Variants in TAB1 observed in about 807,000 individuals in gnomAD.
The protein encoded by TAB1 is TGF-beta activated kinase 1 (MAP3K7) binding protein 1, also known as TGF-beta-activated kinase 1 and MAP3K7-binding protein 1.
TAB1 carries 30 observed loss-of-function variants against 54.5 expected under a neutral mutation model. The observed-to-expected ratio is 0.55, with a 90% confidence interval of 0.41 to 0.75. The LOEUF (loss-of-function observed/expected upper bound fraction) is 0.75. TAB1 is among the 30% of genes least tolerant of loss of function. TAB1 has a pLI of 0.00. For missense variants in TAB1, 609 were observed against 683.2 expected (o/e 0.89, Z 1.21); for synonymous variants, 289 against 286.9 (o/e 1.01, Z -0.07).
intron 7 of TAB1, chr22:39,421,586 A>G (rs1471537626): frequency 1.9e-6 from 1 of 537,758 alleles, no homozygotes; most frequent in East Asian, 3.5e-5. Flanking sequence ...CGGGCATTCA[A>G]CCTTTGCCAT....
At chr22:39,421,228 T>G (rs1927076635) in intron 7 of TAB1, among the ~76,000 whole-genome samples, 1 of 152,164 alleles carries the variant, frequency 6.6e-6, no homozygotes, top group Admixed American at 6.5e-5. Flanking sequence ...CACCTGCAGT[T>G]AGGATGGCGT....
intron 1 of TAB1, among the ~76,000 whole-genome samples, chr22:39,408,336 A>C (rs371951321): frequency 1.6e-4 from 25 of 152,178 alleles, no homozygotes; most frequent in Admixed American, 6.5e-4. Flanking sequence ...CACAGCATAC[A>C]GTGGTCAGTA....
rs750184260 is a variant in TAB1, at chr22:39,399,844, C to A, written c.33+9C>A. The A allele has an allele frequency of 8.2e-6, 13 of 1,594,880 alleles. No homozygotes were observed. The highest frequency in any genetic ancestry group is 1.1e-5 in the Non-Finnish European group (13 of 1,171,212). ...GGAGCTTGCTGCAGAGTGTGAGGAA[C>A]AGGCCCGCTCTCTGGGCTTGGGGTT... On this transcript the variant is annotated intron_variant, in intron 1 of 10. Transcript: ENST00000216160.
At chr22:39,435,565 G>A, downstream of TAB1, among the ~76,000 whole-genome samples, 1 of 152,176 alleles carries the variant, frequency 6.6e-6, no homozygotes, top group East Asian at 1.9e-4. Context: ...AGGAGCTTGG[G>A]CAGAGTGACT....
At chr22:39,409,463 C>G (rs893100077) in intron 1 of TAB1, among the ~76,000 whole-genome samples, 5 of 152,242 alleles carry the variant, frequency 3.3e-5, no homozygotes, top group Admixed American at 1.3e-4. Context: ...CTGCCCTCCC[C>G]CCCAGGCACA....
chr22:39,399,882 G>C, intron 1 of TAB1, 47 bp downstream of exon 1: 2 of 1,565,802 alleles, frequency 1.3e-6, no homozygotes, highest in Non-Finnish European at 1.7e-6. Context: ...GAGCCTGGGC[G>C]GGGGTGCTGT....
chr22:39,417,978 G>C, intron 5 of TAB1, 129 bp downstream of exon 5: 2 of 1,225,698 alleles, frequency 1.6e-6, no homozygotes, highest in East Asian at 2.8e-5. Flanking sequence ...TGAGACCGTT[G>C]GGTATGTCCC....
At chr22:39,435,994 ATAAC>A (rs879702919), downstream of TAB1, among the ~76,000 whole-genome samples, 19 of 152,206 alleles carry the variant, frequency 1.2e-4, no homozygotes, top group Non-Finnish European at 2.2e-4. Context: ...AAAAATAAAA[ATAAC>A]TAGTAGGTTC....
chr22:39,429,100 C>T (rs1199134927), intron 10 of TAB1: 1 of 985,316 alleles, frequency 1.0e-6, no homozygotes, highest in African/African-American at 1.7e-5. Flanking sequence ...CCACTCTCCT[C>T]CCCTGCCTGT....
chr22:39,424,860 G>A (rs892516614), intron 8 of TAB1, among the ~76,000 whole-genome samples: 25 of 152,100 alleles, frequency 1.6e-4, no homozygotes, highest in Admixed American at 9.2e-4. Flanking sequence ...GGGGTCCACG[G>A]AGTTCAGGTT....
rs558080964 is a variant in TAB1 at position 39,399,906 on chromosome 22, G to A, written c.33+71G>A. 4.6e-5 allele frequency: 70 copies of A among 1,513,398 alleles called. 3 individuals carry two copies. In the South Asian group the frequency reaches 7.7e-4, roughly 17 times the overall value. 93.7% of individuals were successfully genotyped at this position (1,513,398 alleles called of 1,614,324 possible). A position where few individuals can be genotyped will look rare whatever the true frequency, so the allele number is the denominator to read the frequency against. On this transcript the variant is annotated intron_variant, in intron 1 of 10. Transcript: ENST00000216160. ...CGGGGGTGCTGTCGGGTGCAGGAACGGCTCCTTCTCCGAGTTTGGACAGCC... is the reference window on the plus strand; with the variant it reads ...CGGGGGTGCTGTCGGGTGCAGGAACAGCTCCTTCTCCGAGTTTGGACAGCC...
chr22:39,424,085 C>G (rs548935701), intron 8 of TAB1, among the ~76,000 whole-genome samples: 2 of 152,196 alleles, frequency 1.3e-5, no homozygotes, highest in South Asian at 2.1e-4. Context: ...CTCCCACTTA[C>G]GAGTGAGAAC....
At position 39,430,288 on chromosome 22, in the gene TAB1, A is replaced by G. The variant is rs531854655; in HGVS notation, c.*66A>G. 4.4e-6 allele frequency: 7 copies of G among 1,590,796 alleles called. No homozygotes were observed. The East Asian group carries it at 1.3e-4, about 31-fold the overall frequency. On this transcript the variant is annotated 3_prime_UTR_variant, in exon 11 of 11. Transcript: ENST00000216160. ...GCAGGACAGGGTCCAGCCTTTTCCT[A>G]ACATCTGCCTGTGCCACAACGGCCA...
At chr22:39,422,055 G>A in intron 8 of TAB1, 84 bp downstream of exon 8, 1 of 1,250,888 alleles carries the variant, frequency 8.0e-7, no homozygotes, top group African/African-American at 1.6e-5. Context: ...CTAGCACTGT[G>A]ATTCTCGGAG....
At chr22:39,427,522 A>G (rs905571368) in intron 9 of TAB1, among the ~76,000 whole-genome samples, 1 of 152,248 alleles carries the variant, frequency 6.6e-6, no homozygotes, top group Non-Finnish European at 1.5e-5. Context: ...AGTGCTGCTC[A>G]GCACTAAGAC....
At position 39,415,520 on chromosome 22, in the gene TAB1, T is replaced by G; in HGVS notation, c.191T>G (p.Leu64Arg). Residue 64 changes from leucine to arginine, a missense_variant, in exon 3 of 11, where the codon CTG (leucine) becomes CGG (arginine). Leu to Arg is a moderately radical substitution (Grantham distance 102). Coordinates refer to ENST00000216160, the MANE Select transcript of TAB1 (RefSeq NM_006116.3). The surrounding 1 kb of genome is among the most constrained non-coding windows in gnomAD (Gnocchi z 4.9). ...LKFRSENNCF[L>R]YGVFNGYDGN... The stretch of plus-strand genomic sequence containing the variant: ...TCCAGGAGTGAGAACAACTGCTTCC[T>G]GTATGGGGTCTTCAACGGCTATGAT... 1.2e-6 allele frequency: 2 copies of G among 1,614,190 alleles called. No homozygotes were observed. The highest frequency in any genetic ancestry group is 1.7e-6 in the Non-Finnish European group (2 of 1,179,996).
intron 1 of TAB1, among the ~76,000 whole-genome samples, chr22:39,410,395 A>G (rs1238473754): frequency 1.3e-5 from 2 of 152,134 alleles, no homozygotes; most frequent in Non-Finnish European, 2.9e-5. Flanking sequence ...GGCGTGAGCC[A>G]CTGTGCCAGG....
downstream of TAB1, chr22:39,433,453 A>C: frequency 7.8e-6 from 7 of 896,874 alleles, no homozygotes; most frequent in Non-Finnish European, 8.9e-6. Flanking sequence ...ACCCTGTCTC[A>C]AGAAAAAAAA....
chr22:39,431,766 A>G lies in TAB1; in HGVS notation c.*1544A>G, dbSNP rs2077875203. On this transcript the variant is annotated 3_prime_UTR_variant, in exon 11 of 11. Coordinates refer to ENST00000216160, the MANE Select transcript of TAB1 (RefSeq NM_006116.3). Reference sequence around the variant, plus strand: ...AAGTCAGTCACAAAGGCTTGGGAACAAAAGGAATTCTCTTCCAAGAATGCC... The same window carrying G: ...AAGTCAGTCACAAAGGCTTGGGAACGAAAGGAATTCTCTTCCAAGAATGCC... The G allele has an allele frequency of 1.0e-6, 1 of 985,504 alleles. No homozygotes were observed. 61.0% of individuals were successfully genotyped at this position (985,504 alleles called of 1,614,324 possible). A position where few individuals can be genotyped will look rare whatever the true frequency, so the allele number is the denominator to read the frequency against.
Sources: allele counts gnomAD v4.1 joint callset (sites outside exome capture counted in the v4.1 genomes callset), GRCh38; gene constraint gnomAD v4.1.1; non-coding constraint Gnocchi (gnomAD v3.1); transcripts MANE v1.5; gene names NCBI Gene and HGNC (gene_info 2026-07-23, HGNC 2026-07-21).